Variants in KANK1 observed in about 807,000 individuals in gnomAD.
KANK1 encodes KN motif and ankyrin repeat domain-containing protein 1.
In KANK1, 109 loss-of-function variants were observed where a neutral mutation model predicts 106.2. The observed-to-expected ratio is 1.03, with a 90% CI of 0.88 to 1.20. The LOEUF (loss-of-function observed/expected upper bound fraction) is 1.20, where lower values mean the gene tolerates loss of function less well. Among genes scored for constraint, KANK1 ranks in the 50% most tolerant of loss-of-function variants. The pLI, the probability that KANK1 is intolerant of heterozygous loss-of-function variation, is 0.00. For missense variants in KANK1, 2,399 were observed against 1,710.7 expected, an observed-to-expected ratio of 1.40 and a Z score of -7.10; for synonymous variants, 873 against 652.2, an observed-to-expected ratio of 1.34 and a Z score of -5.16.
intron 1 of KANK1, among the ~76,000 whole-genome samples, chr9:598,767 AT>A (rs941717892): frequency 6.8e-6 from 1 of 147,558 alleles, no homozygotes; most frequent in African/African-American, 2.5e-5. Flanking sequence ...AGTAGCTGAG[AT>A]TACAGGCGCA....
chr9:739,998 A>G (rs1281591679), intron 8 of KANK1, among the ~76,000 whole-genome samples: 3 of 152,200 alleles, frequency 2.0e-5, no homozygotes, highest in African/African-American at 7.2e-5. Context: ...ATCTTAAGGT[A>G]AATGTTCATG....
intron 1 of KANK1, among the ~76,000 whole-genome samples, chr9:648,188 G>A (rs1840122008): frequency 1.4e-5 from 2 of 143,464 alleles, no homozygotes; most frequent in Admixed American, 6.7e-5. Context: ...ATTTTTAGTA[G>A]AGACGGGGTG....
chr9:661,529 G>A (rs562861822), intron 1 of KANK1, among the ~76,000 whole-genome samples: 1 of 152,118 alleles, frequency 6.6e-6, no homozygotes. Context: ...TATCATTGAT[G>A]GGCATTTGGG....
chr9:652,192 C>A (rs546322423), intron 1 of KANK1, among the ~76,000 whole-genome samples: 2 of 152,098 alleles, frequency 1.3e-5, no homozygotes, highest in South Asian at 4.1e-4. Flanking sequence ...TGGACAGGTA[C>A]AGAAAGCTAT....
intron 1 of KANK1, among the ~76,000 whole-genome samples, chr9:666,298 T>C (rs769915426): frequency 2.0e-5 from 3 of 152,246 alleles, no homozygotes; most frequent in Non-Finnish European, 4.4e-5. Flanking sequence ...CTACTGAATT[T>C]TGTATGTTGG....
intron 6 of KANK1, chr9:733,256 G>C (rs1430617665): frequency 1.3e-5 from 2 of 152,222 alleles, no homozygotes; most frequent in African/African-American, 4.8e-5. Flanking sequence ...AGTAGAAAAG[G>C]TGGAAACTTC....
intron 1 of KANK1, among the ~76,000 whole-genome samples, chr9:663,869 G>A (rs1843944897): frequency 1.3e-5 from 2 of 152,168 alleles, no homozygotes; most frequent in African/African-American, 4.8e-5. Flanking sequence ...GAATGGATGA[G>A]CAGTGAAGGT....
intron 1 of KANK1, among the ~76,000 whole-genome samples, chr9:560,174 A>C (rs1816013679): frequency 6.6e-6 from 1 of 152,194 alleles, no homozygotes; most frequent in Non-Finnish European, 1.5e-5. Flanking sequence ...TCTTGAATTA[A>C]CCTCATTTCC....
At chr9:511,537 T>C (rs184611985) in intron 1 of KANK1, among the ~76,000 whole-genome samples, 2 of 151,182 alleles carry the variant, frequency 1.3e-5, no homozygotes, top group East Asian at 3.9e-4. Context: ...CTTGTGAGGA[T>C]TGAATGAGTT....
chr9:620,054 T>A (rs1426666300), intron 1 of KANK1, among the ~76,000 whole-genome samples: 2 of 151,952 alleles, frequency 1.3e-5, no homozygotes, highest in African/African-American at 2.4e-5. Flanking sequence ...GGAGAATCGC[T>A]TGAACCTCGG....
At chr9:529,234 T>TATATATATAC (rs1554613765) in intron 1 of KANK1, among the ~76,000 whole-genome samples, 1 of 148,704 alleles carries the variant, frequency 6.7e-6, no homozygotes, top group African/African-American at 2.5e-5. Context: ...TATATATATA[T>TATATATATAC]ACACACACAC....
intron 2 of KANK1, chr9:684,323 G>T (rs1445852760): frequency 2.0e-6 from 2 of 985,240 alleles, no homozygotes; most frequent in Non-Finnish European, 2.4e-6. Context: ...CTGTGCTCCT[G>T]CTCCTGGGTA....
At chr9:651,366 A>G (rs1346301804) in intron 1 of KANK1, among the ~76,000 whole-genome samples, 1 of 152,176 alleles carries the variant, frequency 6.6e-6, no homozygotes, top group African/African-American at 2.4e-5. Flanking sequence ...TATATAATAC[A>G]GAGTTGGCTG....
intron 2 of KANK1, among the ~76,000 whole-genome samples, chr9:690,131 T>TACAAAAAAAA (rs1819528936): frequency 6.0e-5 from 1 of 16,692 alleles, no homozygotes; most frequent in Non-Finnish European, 1.5e-4. Context: ...CTTCTAAAAA[T>TACAAAAAAAA]ACAAAAAAAA....
chr9:472,510 A>C (rs1265212653), intron 2 of KANK1, among the ~76,000 whole-genome samples: 1 of 152,182 alleles, frequency 6.6e-6, no homozygotes, highest in Admixed American at 6.5e-5. Context: ...TAGGCCATAA[A>C]GATTTTCCCA....
chr9:578,261 T>G (rs1821120527), intron 1 of KANK1, among the ~76,000 whole-genome samples: 1 of 152,180 alleles, frequency 6.6e-6, no homozygotes, highest in Non-Finnish European at 1.5e-5. Flanking sequence ...TCTTCTTGCT[T>G]TATATATCTA....
At chr9:620,565 G>C (rs1023624914) in intron 1 of KANK1, among the ~76,000 whole-genome samples, 62 of 151,966 alleles carry the variant, frequency 4.1e-4, no homozygotes, top group African/African-American at 1.4e-3. Context: ...ACCACACCCG[G>C]CTAATTTTTT....
In KANK1 at chr9:712,234, C is replaced by G; in HGVS notation, c.1468C>G (p.Gln490Glu). The change falls in exon 3 of 12, where the codon CAA (glutamine) becomes GAA (glutamate). Residue 490 changes from glutamine to glutamate, a missense_variant. By Grantham distance (29) the Gln-to-Glu change is conservative (BLOSUM62 2). Coordinates refer to ENST00000382297, the MANE Select transcript of KANK1 (RefSeq NM_015158.5). ...TGACCGGGAGATGACTAAACTGAAA[C>G]AAGAGCTGCAGGCTGCTGGATCGAG... Reference protein sequence around the residue: ...THDREMTKLKQELQAAGSRKK... With the variant: ...THDREMTKLKEELQAAGSRKK... 2 of 1,614,120 alleles carry G rather than the reference C, an allele frequency of 1.2e-6. No homozygotes were observed. The highest frequency in any genetic ancestry group is 1.7e-6 in the Non-Finnish European group (2 of 1,180,004).
At position 742,781 on chromosome 9, in the gene KANK1, G is replaced by A. The variant is rs769459326; in HGVS notation, c.3897+376G>A. Among the ~76,000 whole-genome samples the A allele has an allele frequency of 7.9e-5, 12 of 152,342 alleles. No homozygotes were observed. In the South Asian group the frequency reaches 1.2e-3, roughly 16 times the overall value. On this transcript the variant is annotated intron_variant, in intron 10 of 11. Coordinates refer to ENST00000382297, the MANE Select transcript of KANK1 (RefSeq NM_015158.5). ...CACTTGGAAATCTGGATTATCATTA[G>A]AGGCTGGGGTTACACGGTGACTAAA... is the stretch of plus-strand genomic sequence containing the variant.
Sources: allele counts gnomAD v4.1 joint callset (sites outside exome capture counted in the v4.1 genomes callset), GRCh38; gene constraint gnomAD v4.1.1; transcripts MANE v1.5; gene names NCBI Gene and HGNC (gene_info 2026-07-23, HGNC 2026-07-21).